The following SUMF2 variants were observed in gnomAD, a reference collection of about 807,000 sequenced individuals.
SUMF2 encodes the protein inactive C-alpha-formylglycine-generating enzyme 2.
Under a neutral mutation model 44.8 loss-of-function variants are expected in SUMF2, and 45 were observed. That is an observed-to-expected ratio of 1.00 (90% CI 0.79 to 1.29). SUMF2 has a LOEUF of 1.29. Among genes scored for constraint, SUMF2 ranks in the 50% most tolerant of loss-of-function variants. The pLI is 0.00. For missense variants in SUMF2, 418 were observed against 389.9 expected (o/e 1.07, Z -0.61); for synonymous variants, 148 against 150.4 (o/e 0.98, Z 0.12).
chr7:56,078,641 A>G, intron 8 of SUMF2, 133 bp downstream of exon 8: 1 of 1,131,246 alleles, frequency 8.8e-7, no homozygotes, highest in Non-Finnish European at 1.2e-6. Flanking sequence ...CACCTCCCTG[A>G]GCCTGTGCCC....
In SUMF2 at chr7:56,074,217, A is replaced by G. The variant is rs1584590431; in HGVS notation, c.383A>G (p.Gln128Arg). ...WLPVEKAFWR[Q>R]PAGPGSGIRE... ...CCAGTGGAAAAGGCATTTTGGAGGCAGGTAAGGGCTGATTCCGCTACCTCA... is the reference window on the plus strand; with the variant it reads ...CCAGTGGAAAAGGCATTTTGGAGGCGGGTAAGGGCTGATTCCGCTACCTCA... The change falls in exon 4 of 9, where the codon CAG (glutamine) becomes CGG (arginine). Residue 128 changes from glutamine (Q) to arginine (R), a missense_variant and splice_region_variant. Gln to Arg is a conservative substitution (Grantham distance 43). Coordinates refer to ENST00000434526, the MANE Select transcript of SUMF2 (RefSeq NM_015411.4). The G allele has an allele frequency of 3.1e-6, 5 of 1,613,860 alleles. No homozygotes were observed. Among genetic ancestry groups the G allele is most frequent in the Non-Finnish European group, 4.2e-6 (5 of 1,179,946 alleles).
intron 1 of SUMF2, among the ~76,000 whole-genome samples, chr7:56,067,395 A>G (rs1439953512): frequency 2.6e-5 from 4 of 151,900 alleles, no homozygotes; most frequent in African/African-American, 9.7e-5. Flanking sequence ...GCTCACTACA[A>G]CCTTGAACTC....
downstream of SUMF2, chr7:56,081,188 G>A (rs765359269): frequency 9.3e-6 from 15 of 1,613,814 alleles, no homozygotes; most frequent in African/African-American, 1.2e-4. The surrounding 1 kb of genome is among the most constrained non-coding windows in gnomAD (Gnocchi z 4.6). Flanking sequence ...ATGAGCCGGC[G>A]CAGAGGCCGG....
At chr7:56,086,997 T>C in the SUMF2 span, 1 of 1,613,248 alleles carries the variant, frequency 6.2e-7, no homozygotes, top group Non-Finnish European at 8.5e-7. Flanking sequence ...GAAGAAAGTG[T>C]TGGTCTCATA....
At position 56,079,982 on chromosome 7, in the gene SUMF2, T is replaced by C; in HGVS notation, c.*370T>C. 2 of 1,069,652 alleles carry C rather than the reference T, an allele frequency of 1.9e-6. No individual in the cohort carries two copies. Among genetic ancestry groups the C allele is most frequent in the Non-Finnish European group, 2.6e-6 (2 of 755,464 alleles). 66.3% of individuals were successfully genotyped at this position (1,069,652 alleles called of 1,614,324 possible). A position where few individuals can be genotyped will look rare whatever the true frequency, so the allele number is the denominator to read the frequency against. On this transcript the variant is annotated 3_prime_UTR_variant, in exon 9 of 9. Coordinates refer to ENST00000434526, the MANE Select transcript of SUMF2 (RefSeq NM_015411.4). The stretch of plus-strand genomic sequence containing the variant: ...TTTCTCCCTGGATGATTCAGGAAGC[T>C]GACATTGTTTCCTCAAGGCAGAATT...
downstream of SUMF2, among the ~76,000 whole-genome samples, chr7:56,082,966 C>T (rs1003879212): frequency 5.9e-5 from 9 of 151,932 alleles, no homozygotes; most frequent in African/African-American, 1.5e-4. Flanking sequence ...ATTAGCCGAG[C>T]GTTGTGGCGC....
downstream of SUMF2, chr7:56,081,932 C>T (rs547904081): frequency 1.2e-5 from 20 of 1,613,656 alleles, no homozygotes; most frequent in African/African-American, 2.7e-5. This position sits in a 1 kb window ranked among gnomAD's most constrained non-coding sequence, Gnocchi z 4.6. Context: ...CCCACTCGGG[C>T]GAGCCAAACT....
chr7:56,071,330 C>A (rs1795139836), intron 2 of SUMF2, among the ~76,000 whole-genome samples: 1 of 152,190 alleles, frequency 6.6e-6, no homozygotes. Context: ...GCACTGCAGT[C>A]TGGGTGACAG....
In SUMF2 at chr7:56,073,080, A is replaced by G; in HGVS notation, c.308A>G (p.Glu103Gly). 1 of 1,614,128 alleles carries G rather than the reference A, an allele frequency of 6.2e-7. No homozygotes were observed. The highest frequency in any genetic ancestry group is 1.1e-5 in the South Asian group (1 of 91,082). ...GTCTTTGAGGACTTTGTCTCTGATGAGCTGAGAAACAAAGCCACCCAGCCA... is the reference window on the plus strand; with the variant it reads ...GTCTTTGAGGACTTTGTCTCTGATGGGCTGAGAAACAAAGCCACCCAGCCA... ...SFVFEDFVSD[E>G]LRNKATQPMK... Residue 103 changes from glutamate to glycine, a missense_variant, in exon 3 of 9, where the codon GAG (glutamate) becomes GGG (glycine). Glu to Gly is a moderately conservative substitution (Grantham distance 98). Transcript: ENST00000434526.
downstream of SUMF2, among the ~76,000 whole-genome samples, chr7:56,085,158 G>A (rs1209357015): frequency 2.6e-5 from 4 of 151,636 alleles, no homozygotes; most frequent in African/African-American, 9.7e-5. Flanking sequence ...ATGGGGTTTT[G>A]CCATGTTGCC....
At chr7:56,068,449 T>C (rs1181612359) in intron 1 of SUMF2, 33 bp from the exon 2 acceptor site, 5 of 1,583,544 alleles carry the variant, frequency 3.2e-6, no homozygotes, top group South Asian at 2.3e-5. Flanking sequence ...TATATATGCA[T>C]GTATTACTGG....
At chr7:56,076,918 G>T in intron 6 of SUMF2, 29 bp downstream of exon 6, 1 of 1,593,734 alleles carries the variant, frequency 6.3e-7, no homozygotes, top group Non-Finnish European at 8.6e-7. Context: ...CTTTCACCAA[G>T]CATTGACAGA....
chr7:56,072,047 G>T (rs891768205), intron 2 of SUMF2, among the ~76,000 whole-genome samples: 7 of 150,690 alleles, frequency 4.6e-5, no homozygotes, highest in Admixed American at 4.0e-4. Flanking sequence ...GGTGGAGGTT[G>T]CAGTGAGCTG....
At chr7:56,073,839 T>C (rs1214480720) in intron 3 of SUMF2, 10 of 288,586 alleles carry the variant, frequency 3.5e-5, no homozygotes, top group Non-Finnish European at 6.5e-5. Flanking sequence ...AGATCCCATA[T>C]CTACAAAAAA....
At chr7:56,082,366 G>C (rs1414320620), downstream of SUMF2, 11 of 751,228 alleles carry the variant, frequency 1.5e-5, no homozygotes, top group East Asian at 2.6e-4. Context: ...GCCGAGGCAG[G>C]TGGCTCATCT....
At chr7:56,082,477 C>A (rs1482909925), downstream of SUMF2, among the ~76,000 whole-genome samples, 3 of 152,116 alleles carry the variant, frequency 2.0e-5, no homozygotes, top group East Asian at 5.8e-4. Flanking sequence ...CCTGTAGTCC[C>A]AGCTACTCAG....
chr7:56,087,554 T>C, the SUMF2 span: 1 of 1,586,450 alleles, frequency 6.3e-7, no homozygotes, highest in Non-Finnish European at 8.6e-7. Context: ...CAGGGCAGAA[T>C]CACAGGGGGG....
downstream of SUMF2, chr7:56,083,508 G>A: frequency 1.9e-6 from 3 of 1,576,400 alleles, no homozygotes; most frequent in Non-Finnish European, 2.6e-6. Flanking sequence ...GGGAGACACA[G>A]CTCACATTTC....
At chr7:56,065,122 G>A (rs1417514373) in intron 1 of SUMF2, among the ~76,000 whole-genome samples, 3 of 150,368 alleles carry the variant, frequency 2.0e-5, no homozygotes, top group African/African-American at 4.9e-5. Context: ...AACCCCGGGG[G>A]GTGGAGCCTG....
Sources: allele counts gnomAD v4.1 joint callset (sites outside exome capture counted in the v4.1 genomes callset), GRCh38; gene constraint gnomAD v4.1.1; non-coding constraint Gnocchi (gnomAD v3.1); transcripts MANE v1.5; gene names NCBI Gene and HGNC (gene_info 2026-07-23, HGNC 2026-07-21).